STX18: variants seen among roughly 807,000 people sequenced by gnomAD.
The protein encoded by STX18 is syntaxin-18.
A neutral mutation model predicts 50.1 loss-of-function variants in STX18; 40 were observed. The ratio of observed to expected loss-of-function variants is 0.80; its 90% CI spans 0.62 to 1.04. The LOEUF (loss-of-function observed/expected upper bound fraction) is 1.04. Ranked by LOEUF, STX18 falls within the 50% of genes least tolerant of loss-of-function variation. The pLI is 0.00. For synonymous variants in STX18, 158 were observed against 151.8 expected (o/e 1.04, Z -0.30); for missense variants, 410 against 415.8 (o/e 0.99, Z 0.12).
intron 3 of STX18, among the ~76,000 whole-genome samples, chr4:4,458,224 T>C (rs748917990): frequency 1.1e-4 from 17 of 152,326 alleles, no homozygotes; most frequent in Non-Finnish European, 2.4e-4. Flanking sequence ...AGGCAATAAA[T>C]AGCCCAAGGT....
intron 1 of STX18, among the ~76,000 whole-genome samples, chr4:4,475,299 A>G (rs1728122601): frequency 6.6e-6 from 1 of 152,240 alleles, no homozygotes; most frequent in Non-Finnish European, 1.5e-5. Flanking sequence ...ATTCTTGATA[A>G]GAGGTGTGTT....
intron 1 of STX18, among the ~76,000 whole-genome samples, chr4:4,524,547 G>C (rs554335781): frequency 6.0e-4 from 92 of 152,180 alleles, no homozygotes; most frequent in Non-Finnish European, 1.1e-3. Flanking sequence ...TCCAGAGGGG[G>C]CATTATGAGA....
chr4:4,529,190 T>C (rs986867336), intron 1 of STX18, among the ~76,000 whole-genome samples: 1 of 152,052 alleles, frequency 6.6e-6, no homozygotes, highest in Non-Finnish European at 1.5e-5. Flanking sequence ...GGTGAAACCC[T>C]GTCTCTACTA....
chr4:4,533,841 T>C (rs926514414), intron 1 of STX18, among the ~76,000 whole-genome samples: 4 of 152,172 alleles, frequency 2.6e-5, no homozygotes, highest in Non-Finnish European at 4.4e-5. Flanking sequence ...TTTGACACAC[T>C]CCAGATTCTT....
At chr4:4,490,671 A>G (rs1728902520) in intron 1 of STX18, among the ~76,000 whole-genome samples, 2 of 152,266 alleles carry the variant, frequency 1.3e-5, no homozygotes, top group South Asian at 4.1e-4. Flanking sequence ...GGCTCCTATA[A>G]CAATCACTAA....
intron 1 of STX18, among the ~76,000 whole-genome samples, chr4:4,541,589 C>G (rs1731598347): frequency 6.6e-6 from 1 of 152,174 alleles, no homozygotes; most frequent in East Asian, 1.9e-4. Context: ...CAGGAGAAAT[C>G]TGTTCCCCAA....
intron 5 of STX18, among the ~76,000 whole-genome samples, chr4:4,456,364 G>T (rs1727074054): frequency 1.3e-5 from 2 of 152,208 alleles, no homozygotes; most frequent in African/African-American, 2.4e-5. Context: ...AGCTAGTCTA[G>T]AAATGGTCCA....
intron 5 of STX18, among the ~76,000 whole-genome samples, chr4:4,456,665 G>T (rs1727094401): frequency 6.6e-6 from 1 of 152,188 alleles, no homozygotes; most frequent in South Asian, 2.1e-4. Flanking sequence ...CAGAGCATGT[G>T]GCATCGAGCA....
chr4:4,541,390 G>C (rs1731586041), intron 1 of STX18, among the ~76,000 whole-genome samples: 1 of 152,196 alleles, frequency 6.6e-6, no homozygotes, highest in South Asian at 2.1e-4. Flanking sequence ...GTGGGAGGCA[G>C]ACAAGTAAAT....
intron 2 of STX18, among the ~76,000 whole-genome samples, chr4:4,468,020 C>T (rs1727705764): frequency 6.6e-6 from 1 of 152,192 alleles, no homozygotes; most frequent in Non-Finnish European, 1.5e-5. Context: ...CGCTTAACAT[C>T]ATTCTCATTA....
chr4:4,487,856 G>A (rs1331403390), intron 1 of STX18, among the ~76,000 whole-genome samples: 4 of 152,146 alleles, frequency 2.6e-5, no homozygotes, highest in African/African-American at 7.2e-5. Context: ...AAAGAACTAT[G>A]TCTTCTTCAC....
chr4:4,424,369 T>C (rs1168547527), intron 8 of STX18, among the ~76,000 whole-genome samples: 1 of 147,554 alleles, frequency 6.8e-6, no homozygotes, highest in Non-Finnish European at 1.5e-5. Flanking sequence ...CCCAACAGTA[T>C]CACAGTGGCA....
intron 1 of STX18, among the ~76,000 whole-genome samples, chr4:4,484,212 T>C (rs1031601384): frequency 1.3e-4 from 20 of 152,296 alleles, no homozygotes; most frequent in African/African-American, 4.1e-4. Flanking sequence ...CTTCTGGCCA[T>C]ACTTACTACC....
chr4:4,466,783 C>G (rs1727640203), intron 2 of STX18, among the ~76,000 whole-genome samples: 1 of 152,140 alleles, frequency 6.6e-6, no homozygotes, highest in African/African-American at 2.4e-5. Flanking sequence ...TTTATCAAGA[C>G]AGGGGAACTA....
At chr4:4,527,148 A>G (rs1730807450) in intron 1 of STX18, among the ~76,000 whole-genome samples, 1 of 152,198 alleles carries the variant, frequency 6.6e-6, no homozygotes, top group Non-Finnish European at 1.5e-5. Context: ...TCTTATTTCA[A>G]GAGGTAGAGC....
At chr4:4,501,325 C>A (rs1342165443) in intron 1 of STX18, among the ~76,000 whole-genome samples, 3 of 152,194 alleles carry the variant, frequency 2.0e-5, no homozygotes, top group East Asian at 3.8e-4. Flanking sequence ...CCTCACAGCA[C>A]CCCTCCCAGC....
At position 4,454,166 on chromosome 4, in the gene STX18, T is replaced by C. The variant is rs1461967268; in HGVS notation, c.497+3025A>G. ...GAAGCAAGGGAGTGATAAAATCACA[T>C]GTACGTTTTAGGCAGATGCCTTCTG... On this transcript the variant is annotated intron_variant, in intron 5 of 10. Coordinates refer to ENST00000306200, the MANE Select transcript of STX18 (RefSeq NM_016930.4). 4.6e-5 allele frequency among the ~76,000 whole-genome samples: 7 copies of C among 152,290 alleles called. No homozygotes were observed. The East Asian group carries it at 5.8e-4, about 13-fold the overall frequency.
chr4:4,451,961 T>C (rs1283511348), intron 5 of STX18, among the ~76,000 whole-genome samples: 1 of 152,218 alleles, frequency 6.6e-6, no homozygotes, highest in African/African-American at 2.4e-5. Context: ...GCCGAAGAGT[T>C]AGCCAAGTTG....
At chr4:4,482,074 C>G (rs935177252) in intron 1 of STX18, among the ~76,000 whole-genome samples, 1 of 152,116 alleles carries the variant, frequency 6.6e-6, no homozygotes, top group Non-Finnish European at 1.5e-5. Flanking sequence ...TAGCCTCCCT[C>G]GGGTTCCAGA....
Sources: gnomAD v4.1 joint callset for allele counts (sites outside exome capture counted in the v4.1 genomes callset) on GRCh38, gnomAD v4.1.1 for gene constraint, MANE v1.5 for transcripts, NCBI Gene and HGNC (gene_info 2026-07-23, HGNC 2026-07-21) for gene names.